GOLGA8G: variants seen among roughly 807,000 people sequenced by gnomAD.
The protein encoded by GOLGA8G is golgin A8 family member G, also known as golgin subfamily A member 8G.
In GOLGA8G, 1 loss-of-function variant was observed where a neutral mutation model predicts 12.8. The observed-to-expected ratio is 0.08, with a 90% CI of 0.03 to 0.37. GOLGA8G has a LOEUF of 0.37. GOLGA8G is among the 10% of genes least tolerant of loss of function. The probability of loss-of-function intolerance (pLI) is 0.99; values close to 1 mark genes in which losing one functional copy is unlikely to be tolerated. For synonymous variants in GOLGA8G, 9 were observed against 36.7 expected (o/e 0.25, Z 2.73); for missense variants, 12 against 97.4 (o/e 0.12, Z 3.69).
rs2078534530 is a variant in GOLGA8G at position 28,521,562 on chromosome 15, T to C, written c.*1011A>G. On this transcript the variant is annotated 3_prime_UTR_variant, in exon 19 of 19. Transcript: ENST00000525590. ...AGGGACATTTGAACTCTTAAAGGAT[T>C]TCTTATGATCTTTACTAAATACATT... The C allele has an allele frequency of 6.6e-6, 1 of 151,968 alleles. No homozygotes were observed. Among genetic ancestry groups the C allele is most frequent in the African/African-American group, 2.4e-5 (1 of 41,180 alleles). The allele number at this position is 151,968 out of a possible 1,614,324, so 9.4% of individuals were successfully genotyped here.
Position 28,519,806 on chromosome 15 carries a change from TTTTCC to T in GOLGA8G, c.*2762_*2766del. The T allele has an allele frequency of 2.0e-5, 3 of 148,248 alleles. No individual in the cohort carries two copies. Among genetic ancestry groups the T allele is most frequent in the Admixed American group, 2.0e-4 (3 of 14,866 alleles). 9.2% of individuals were successfully genotyped at this position (148,248 alleles called of 1,614,324 possible). A position where few individuals can be genotyped will look rare whatever the true frequency, so the allele number is the denominator to read the frequency against. ...CTGGAATTGGCATTTCTTTCTCTAC[TTTTCC>T]TTCCCACCGTTTATTTCCTTTACAG... On this transcript the variant is annotated 3_prime_UTR_variant, in exon 19 of 19. Coordinates refer to ENST00000525590, the MANE Select transcript of GOLGA8G (RefSeq NM_001350919.3).
At position 28,526,470 on chromosome 15, in the gene GOLGA8G, C is replaced by T. The variant is rs1233716425; in HGVS notation, c.955G>A (p.Val319Met). 4 of 551,234 alleles carry T rather than the reference C, an allele frequency of 7.3e-6. 1 individual carries two copies. The highest frequency in any genetic ancestry group is 1.1e-5 in the Non-Finnish European group (4 of 365,770). 34.1% of individuals were successfully genotyped at this position (551,234 alleles called of 1,614,324 possible). Residue 319 changes from valine to methionine, a missense_variant, in exon 12 of 19, where the codon GTG becomes ATG. This residue lies in a region of GOLGA8G where 12 missense variants were observed against 47.1 expected (regional missense o/e 0.25). Transcript: ENST00000525590. ...PPEPPAVPSE[V>M]ELQHLRKELE... ...TCCTTCCTCAGGTGCTGCAGCTCCA[C>T]CTCAGAGGGCACTGCTGGGGGCTCC...
rs2078508878 is a variant in GOLGA8G, at chr15:28,520,182, T to C, written c.*2391A>G. 1 of 151,340 alleles carries C rather than the reference T, an allele frequency of 6.6e-6. No homozygotes were observed. Among genetic ancestry groups the C allele is most frequent in the African/African-American group, 2.4e-5 (1 of 40,886 alleles). The allele number at this position is 151,340 out of a possible 1,614,324, so 9.4% of individuals were successfully genotyped here. On this transcript the variant is annotated 3_prime_UTR_variant, in exon 19 of 19. Coordinates refer to ENST00000525590, the MANE Select transcript of GOLGA8G (RefSeq NM_001350919.3). ...TCTGATGAACTCTAACCTTCCAATGTTGCCCTCTAAGCAAATTGAAAGCTG... is the reference window on the plus strand; with the variant it reads ...TCTGATGAACTCTAACCTTCCAATGCTGCCCTCTAAGCAAATTGAAAGCTG...
rs2078561802 is a variant in GOLGA8G at position 28,524,301 on chromosome 15, G to GC, written c.1315+170dup. The GC allele has an allele frequency of 3.0e-5, 2 of 65,980 alleles. 1 individual carries two copies. The highest frequency in any genetic ancestry group is 5.9e-5 in the Non-Finnish European group (2 of 34,090). 4.1% of individuals were successfully genotyped at this position (65,980 alleles called of 1,614,324 possible). A position where few individuals can be genotyped will look rare whatever the true frequency, so the allele number is the denominator to read the frequency against. On this transcript the variant is annotated intron_variant, in intron 14 of 18. Coordinates refer to ENST00000525590, the MANE Select transcript of GOLGA8G (RefSeq NM_001350919.3). ...TCAGCCATCCTTAGGCAACTTGGTG[G>GC]CCCCCCGCTCACAGGAGGTCACCAT...
intron 1 of GOLGA8G, among the ~76,000 whole-genome samples, chr15:28,531,370 TG>T (rs1035576432): frequency 9.7e-5 from 11 of 113,002 alleles, no homozygotes; most frequent in African/African-American, 3.8e-4. Context: ...CTCCAAACTC[TG>T]GGGTTTTACC....
rs1196682610 is a variant in GOLGA8G, at chr15:28,520,335, T to C, written c.*2238A>G. 6.6e-6 allele frequency: 1 copy of C among 151,750 alleles called. No individual in the cohort carries two copies. 9.4% of individuals were successfully genotyped at this position (151,750 alleles called of 1,614,324 possible). A position where few individuals can be genotyped will look rare whatever the true frequency, so the allele number is the denominator to read the frequency against. On this transcript the variant is annotated 3_prime_UTR_variant, in exon 19 of 19. Transcript: ENST00000525590. ...CCATTCTTTTTAGCTTTTTCTTCAA[T>C]ATACGACAAATATCTACACAAAGAG...
intron 15 of GOLGA8G, 29 bp downstream of exon 15, chr15:28,523,913 CA>C: frequency 2.5e-6 from 1 of 402,566 alleles, no homozygotes; most frequent in Non-Finnish European, 4.6e-6. Flanking sequence ...AGGAAGGAGG[CA>C]AAATGGGTTC....
Position 28,520,240 on chromosome 15 carries a change from T to C in GOLGA8G, c.*2333A>G, listed in dbSNP as rs2078510491. 6.6e-6 allele frequency: 1 copy of C among 151,484 alleles called. No individual in the cohort carries two copies. Among genetic ancestry groups the C allele is most frequent in the African/African-American group, 2.4e-5 (1 of 40,986 alleles). 9.4% of individuals were successfully genotyped at this position (151,484 alleles called of 1,614,324 possible). On this transcript the variant is annotated 3_prime_UTR_variant, in exon 19 of 19. Transcript: ENST00000525590. ...CCGAATGAGGAAGAATACCAATACTTGGCTGAATGAGGTATCGCAAAAGAC... is the reference window on the plus strand; with the variant it reads ...CCGAATGAGGAAGAATACCAATACTCGGCTGAATGAGGTATCGCAAAAGAC...
rs1404746583 is a variant in GOLGA8G at position 28,521,602 on chromosome 15, C to A, written c.*971G>T. The A allele has an allele frequency of 6.7e-6, 1 of 148,474 alleles. No homozygotes were observed. The highest frequency in any genetic ancestry group is 1.5e-5 in the Non-Finnish European group (1 of 67,290). The allele number at this position is 148,474 out of a possible 1,614,324, so 9.2% of individuals were successfully genotyped here. A position where few individuals can be genotyped will look rare whatever the true frequency, so the allele number is the denominator to read the frequency against. On this transcript the variant is annotated 3_prime_UTR_variant, in exon 19 of 19. Coordinates refer to ENST00000525590, the MANE Select transcript of GOLGA8G (RefSeq NM_001350919.3). ...CTAAATACATTAAGAAGAATGCCAA[C>A]CAGTGCCCTTTTGTGTACTGGGACA...
Position 28,526,499 on chromosome 15 carries a change from G to T in GOLGA8G, c.926C>A (p.Pro309His). ...KLKHQMAEPL[P>H]PEPPAVPSEV... The stretch of plus-strand genomic sequence containing the variant: ...AGAGGGCACTGCTGGGGGCTCCGGG[G>T]GCAGAGGTTCAGCTGAGAAAGGAAG... The change falls in exon 12 of 19, where the codon CCC (proline) becomes CAC (histidine). Residue 309 changes from proline (P) to histidine (H), a missense_variant. Pro to His is a moderately conservative substitution (Grantham distance 77, BLOSUM62 -2). This residue lies in a region of GOLGA8G where 12 missense variants were observed against 47.1 expected (regional missense o/e 0.25). Transcript: ENST00000525590. 1 of 502,120 alleles carries T rather than the reference G, an allele frequency of 2.0e-6. No homozygotes were observed. The highest frequency in any genetic ancestry group is 2.0e-5 in the South Asian group (1 of 51,218). 31.1% of individuals were successfully genotyped at this position (502,120 alleles called of 1,614,324 possible). A position where few individuals can be genotyped will look rare whatever the true frequency, so the allele number is the denominator to read the frequency against.
Position 28,521,426 on chromosome 15 carries a change from T to TA in GOLGA8G, c.*1146dup, listed in dbSNP as rs1223709474. The TA allele has an allele frequency of 1.1e-4, 16 of 148,498 alleles. No homozygotes were observed. Among genetic ancestry groups the TA allele is most frequent in the African/African-American group, 3.8e-4 (15 of 39,816 alleles). The allele number at this position is 148,498 out of a possible 1,614,324, so 9.2% of individuals were successfully genotyped here. A position where few individuals can be genotyped will look rare whatever the true frequency, so the allele number is the denominator to read the frequency against. On this transcript the variant is annotated 3_prime_UTR_variant, in exon 19 of 19. Transcript: ENST00000525590. ...AGAATAGGCAGAGTGGTCTAGATGG[T>TA]AAAATCAATCTTCAAGCCTCAAAGA...
rs2078646239 is a variant in GOLGA8G at position 28,530,131 on chromosome 15, AC to A, written c.313del (p.Val105SerfsTer4). 2.4e-6 allele frequency: 1 copy of A among 414,936 alleles called. No homozygotes were observed. The highest frequency in any genetic ancestry group is 2.7e-5 in the African/African-American group (1 of 36,542). 25.7% of individuals were successfully genotyped at this position (414,936 alleles called of 1,614,324 possible). ...TTTGATGGTGTTCTTCAGTTGACTG[AC>A]TTTTACGGACCTCGAGTCTGGGACT... ...AVVPDSRSVK[V>X]SQLKNTIKSL... On this transcript the variant is annotated frameshift_variant, in exon 4 of 19. Coordinates refer to ENST00000525590, the MANE Select transcript of GOLGA8G (RefSeq NM_001350919.3). LOFTEE classifies it high-confidence loss of function.
chr15:28,528,140 TAC>T (rs201463918), intron 8 of GOLGA8G, among the ~76,000 whole-genome samples: 2 of 31,016 alleles, frequency 6.4e-5, no homozygotes. Flanking sequence ...TCATAATATG[TAC>T]ACACACACAC....
intron 1 of GOLGA8G, among the ~76,000 whole-genome samples, chr15:28,531,830 GA>G (rs1282241952): frequency 6.6e-6 from 1 of 150,948 alleles, no homozygotes; most frequent in Non-Finnish European, 1.5e-5. Context: ...TTCCACAGAA[GA>G]TGAGCAAATC....
intron 1 of GOLGA8G, 25 bp downstream of exon 1, chr15:28,532,801 G>C (rs1489718589): frequency 2.3e-6 from 1 of 433,472 alleles, no homozygotes; most frequent in South Asian, 2.4e-5. Flanking sequence ...CTGGGTTGGG[G>C]GTCCGTGACC....
At chr15:28,527,654 GA>G in intron 8 of GOLGA8G, among the ~76,000 whole-genome samples, 166 bp from the exon 9 acceptor site, 1 of 96,482 alleles carries the variant, frequency 1.0e-5, no homozygotes, top group Non-Finnish European at 1.7e-5. Context: ...AAGGGACAGG[GA>G]AAGAGATCGA....
rs2078679667 is a variant in GOLGA8G at position 28,532,970 on chromosome 15, CT to C, written c.-62del. 1 of 464,058 alleles carries C rather than the reference CT, an allele frequency of 2.2e-6. No individual in the cohort carries two copies. The highest frequency in any genetic ancestry group is 3.8e-5 in the African/African-American group (1 of 26,150). 28.7% of individuals were successfully genotyped at this position (464,058 alleles called of 1,614,324 possible). A position where few individuals can be genotyped will look rare whatever the true frequency, so the allele number is the denominator to read the frequency against. ...AGTCACCTACCAGGTAGCTGTGCGACTGAGCCAGAGGAGGCGTAACCAGGGA... is the reference window on the plus strand; with the variant it reads ...AGTCACCTACCAGGTAGCTGTGCGACGAGCCAGAGGAGGCGTAACCAGGGA... On this transcript the variant is annotated 5_prime_UTR_variant, in exon 1 of 19. Coordinates refer to ENST00000525590, the MANE Select transcript of GOLGA8G (RefSeq NM_001350919.3).
Sources: allele counts gnomAD v4.1 joint callset (sites outside exome capture counted in the v4.1 genomes callset), GRCh38; gene constraint gnomAD v4.1.1; regional missense constraint gnomAD v4.1.1; transcripts MANE v1.5; gene names NCBI Gene and HGNC (gene_info 2026-07-23, HGNC 2026-07-21).